CDK6: variants seen among roughly 807,000 people sequenced by gnomAD.
CDK6 encodes the protein cyclin-dependent kinase 6.
CDK6 carries 6 observed loss-of-function variants against 37.1 expected under a neutral mutation model. The ratio of observed to expected loss-of-function variants is 0.16; its 90% CI spans 0.09 to 0.32. CDK6 has a LOEUF of 0.32. Ranked by LOEUF, CDK6 falls within the 10% of genes least tolerant of loss-of-function variation. CDK6 has a pLI of 1.00. For missense variants in CDK6, 224 were observed against 418.9 expected (o/e 0.53, Z 4.06); for synonymous variants, 160 against 161.3 (o/e 0.99, Z 0.06).
At chr7:92,648,377 G>A (rs767437366) in intron 5 of CDK6, among the ~76,000 whole-genome samples, 70 of 152,164 alleles carry the variant, frequency 4.6e-4, no homozygotes, top group Non-Finnish European at 5.1e-4. Context: ...ACCAAAAAAT[G>A]GGGACTTTTT....
At chr7:92,674,713 A>G (rs1177142406) in intron 4 of CDK6, among the ~76,000 whole-genome samples, 6 of 152,274 alleles carry the variant, frequency 3.9e-5, no homozygotes, top group Non-Finnish European at 1.5e-5. Flanking sequence ...AAATACACAG[A>G]TATCATGAAG....
chr7:92,799,746 C>G lies in CDK6; in HGVS notation c.234-24915G>C, dbSNP rs114296009. ...TCCTTATTGTGGGACAAATTATATG[C>G]AAAAGTGATATTCCAAATGTGGGGC... On this transcript the variant is annotated intron_variant, in intron 2 of 7. Transcript: ENST00000424848. Among the ~76,000 whole-genome samples the G allele has an allele frequency of 5.6e-3, 845 of 152,214 alleles. 8 individuals are homozygous for G. Among genetic ancestry groups the G allele is most frequent in the African/African-American group, 0.019 (805 of 41,532 alleles).
In CDK6 at chr7:92,607,469, C is replaced by T. The variant is rs1204599320; in HGVS notation, c.*7671G>A. On this transcript the variant is annotated 3_prime_UTR_variant, in exon 8 of 8. Transcript: ENST00000424848. The stretch of plus-strand genomic sequence containing the variant: ...AATTCCTTTACATAATGATAAAACA[C>T]CTAGATACCCAAAATACTACATCTA... The T allele has an allele frequency of 4.3e-6, 1 of 232,562 alleles. No homozygotes were observed. The highest frequency in any genetic ancestry group is 5.6e-5 in the Admixed American group (1 of 17,752). The allele number at this position is 232,562 out of a possible 1,614,324, so 14.4% of individuals were successfully genotyped here.
intron 3 of CDK6, among the ~76,000 whole-genome samples, chr7:92,773,189 T>G (rs902065176): frequency 2.6e-5 from 4 of 152,138 alleles, no homozygotes; most frequent in Admixed American, 2.6e-4. Flanking sequence ...ATATGTACAT[T>G]AAAAAATCCC....
In CDK6 at chr7:92,834,203, G is replaced by A. The variant is rs1801582619; in HGVS notation, c.-367-513C>T. Among the ~76,000 whole-genome samples, 1 of 152,214 alleles carries A rather than the reference G, an allele frequency of 6.6e-6. No individual in the cohort carries two copies. Among genetic ancestry groups the A allele is most frequent in the Admixed American group, 6.5e-5 (1 of 15,294 alleles). On this transcript the variant is annotated intron_variant, in intron 1 of 7. Transcript: ENST00000424848. The surrounding 1 kb of genome is among the most constrained non-coding windows in gnomAD (Gnocchi z 4.6). ...GTGGGTCCATCCGTGTGGGGCCGCA[G>A]AATGTGGGTGGGGGCTCCCAGGACC...
intron 5 of CDK6, among the ~76,000 whole-genome samples, chr7:92,654,639 T>C (rs1796649065): frequency 2.0e-5 from 3 of 152,106 alleles, no homozygotes; most frequent in Non-Finnish European, 4.4e-5. Context: ...TGAAGCGTCT[T>C]ACCCGAGAGA....
chr7:92,797,090 T>C (rs1800432804), intron 2 of CDK6, among the ~76,000 whole-genome samples: 1 of 152,120 alleles, frequency 6.6e-6, no homozygotes, highest in Non-Finnish European at 1.5e-5. Context: ...ATGTTATCTA[T>C]AGAAAAGCAA....
intron 2 of CDK6, among the ~76,000 whole-genome samples, chr7:92,795,450 G>C (rs1800385286): frequency 6.6e-6 from 1 of 152,074 alleles, no homozygotes; most frequent in Admixed American, 6.6e-5. Context: ...TAGTAAAAAA[G>C]TATACTCAGA....
intron 2 of CDK6, among the ~76,000 whole-genome samples, chr7:92,781,626 T>G (rs1347216678): frequency 6.6e-6 from 1 of 152,218 alleles, no homozygotes; most frequent in East Asian, 1.9e-4. Flanking sequence ...TTATTTGCTG[T>G]GATTAAACTT....
At chr7:92,621,749 C>T (rs530582908) in intron 6 of CDK6, among the ~76,000 whole-genome samples, 6 of 152,302 alleles carry the variant, frequency 3.9e-5, no homozygotes, top group Admixed American at 1.3e-4. Context: ...AATTTATCCA[C>T]TGTACAGAGT....
chr7:92,833,010 T>G lies in CDK6; in HGVS notation c.233+81A>C. 2 of 1,018,764 alleles carry G rather than the reference T, an allele frequency of 2.0e-6. No individual in the cohort carries two copies. The highest frequency in any genetic ancestry group is 2.6e-5 in the East Asian group (1 of 38,238). 63.1% of individuals were successfully genotyped at this position (1,018,764 alleles called of 1,614,324 possible). On this transcript the variant is annotated intron_variant, in intron 2 of 7. Transcript: ENST00000424848. This position sits in a 1 kb window ranked among gnomAD's most constrained non-coding sequence, Gnocchi z 6.1. ...CCCAGTCGCCCTCTGCCCCGCACCT[T>G]TCTGGGCCTGAGGATTCCCGGCTCG...
At chr7:92,801,690 C>CTTTT (rs1800579557) in intron 2 of CDK6, among the ~76,000 whole-genome samples, 1 of 151,058 alleles carries the variant, frequency 6.6e-6, no homozygotes, top group Admixed American at 6.6e-5. Flanking sequence ...GGTGTGATAT[C>CTTTT]GGTTCACTGT....
chr7:92,643,347 T>C (rs774415741), intron 5 of CDK6, among the ~76,000 whole-genome samples: 2 of 152,238 alleles, frequency 1.3e-5, no homozygotes, highest in African/African-American at 2.4e-5. Flanking sequence ...TTTGCCATTA[T>C]AGCACGCTTC....
At chr7:92,802,613 G>C (rs1432907580) in intron 2 of CDK6, among the ~76,000 whole-genome samples, 5 of 152,148 alleles carry the variant, frequency 3.3e-5, no homozygotes, top group Non-Finnish European at 5.9e-5. Context: ...CGACTGTTCT[G>C]CTTTATGTAC....
intron 5 of CDK6, among the ~76,000 whole-genome samples, chr7:92,644,974 G>A (rs1431888839): frequency 6.6e-6 from 1 of 152,178 alleles, no homozygotes; most frequent in African/African-American, 2.4e-5. Context: ...AGCCCTCTCT[G>A]TTACAGCTTG....
intron 7 of CDK6, among the ~76,000 whole-genome samples, chr7:92,617,129 C>T (rs546604742): frequency 9.9e-4 from 150 of 152,284 alleles, no homozygotes; most frequent in Non-Finnish European, 1.7e-3. Context: ...CTTTTCTCTC[C>T]CCTCTCACCA....
At chr7:92,745,726 G>A (rs973551735) in intron 3 of CDK6, among the ~76,000 whole-genome samples, 4 of 152,076 alleles carry the variant, frequency 2.6e-5, no homozygotes, top group South Asian at 2.1e-4. Context: ...AAATGTAGCC[G>A]CTATTTCCAG....
At chr7:92,658,234 C>A (rs1238449566) in intron 5 of CDK6, among the ~76,000 whole-genome samples, 1 of 152,104 alleles carries the variant, frequency 6.6e-6, no homozygotes, top group Non-Finnish European at 1.5e-5. Flanking sequence ...TCATTTGACC[C>A]TGTAATTTCA....
chr7:92,679,712 G>A (rs919650144), intron 4 of CDK6, among the ~76,000 whole-genome samples: 1 of 151,948 alleles, frequency 6.6e-6, no homozygotes, highest in South Asian at 2.1e-4. Flanking sequence ...TTTCACAGAG[G>A]TGCAAAATTT....
Sources: gnomAD v4.1 joint callset for allele counts (sites outside exome capture counted in the v4.1 genomes callset) on GRCh38, gnomAD v4.1.1 for gene constraint, Gnocchi (gnomAD v3.1) non-coding constraint, MANE v1.5 for transcripts, NCBI Gene and HGNC (gene_info 2026-07-23, HGNC 2026-07-21) for gene names.